Variants in A3GALT2 observed in about 807,000 individuals in gnomAD.
A3GALT2 encodes the protein alpha 1,3-galactosyltransferase 2, also known as alpha-1,3-galactosyltransferase 2.
A neutral mutation model predicts 16.6 loss-of-function variants in A3GALT2; 14 were observed. That is an observed-to-expected ratio of 0.84 (90% confidence interval 0.56 to 1.32). The LOEUF is 1.32. Among genes scored for constraint, A3GALT2 ranks in the 40% most tolerant of loss-of-function variants. The probability of loss-of-function intolerance (pLI) is 0.00; values close to 1 mark genes in which losing one functional copy is unlikely to be tolerated. For missense variants in A3GALT2, 600 were observed against 490.9 expected (o/e 1.22, Z -2.10); for synonymous variants, 253 against 218.0 (o/e 1.16, Z -1.42).
intron 1 of A3GALT2, among the ~76,000 whole-genome samples, chr1:33,316,834 G>A (rs1255410240): frequency 6.6e-6 from 1 of 152,160 alleles, no homozygotes; most frequent in Non-Finnish European, 1.5e-5. Flanking sequence ...GAGAGGGAGA[G>A]AGTACAGAGG....
rs780660437 is a variant in A3GALT2 at position 33,321,066 on chromosome 1, C to T, written c.23+10G>A. The T allele has an allele frequency of 1.2e-5, 19 of 1,612,968 alleles. No individual in the cohort carries two copies. The highest frequency in any genetic ancestry group is 5.1e-5 in the Admixed American group (3 of 59,234). On this transcript the variant is annotated intron_variant, in intron 1 of 4. Transcript: ENST00000442999. ...GCTTTCTTCCTCTCCATACCATTGT[C>T]CCCCCTCACCTGAGTCCCTCCTTGA...
At position 33,307,376 on chromosome 1, in the gene A3GALT2, T is replaced by TA; in HGVS notation, c.412dup (p.Tyr138LeufsTer116). ...CGCTCCCGGAAGCTCGGTGAACACGTAGTACATCACGCTCTGGCCCGCCAT... is the reference window on the plus strand; with the variant it reads ...CGCTCCCGGAAGCTCGGTGAACACGTAAGTACATCACGCTCTGGCCCGCCAT... On this transcript the variant is annotated frameshift_variant, in exon 5 of 5. Transcript: ENST00000442999. LOFTEE classifies it low-confidence loss of function (END_TRUNC). 6.4e-7 allele frequency: 1 copy of TA among 1,562,912 alleles called. No homozygotes were observed. The highest frequency in any genetic ancestry group is 2.6e-5 in the East Asian group (1 of 38,782).
At chr1:33,316,931 T>TG (rs1646264610) in intron 1 of A3GALT2, among the ~76,000 whole-genome samples, 1 of 151,504 alleles carries the variant, frequency 6.6e-6, no homozygotes, top group Non-Finnish European at 1.5e-5. Context: ...GCACATGGGT[T>TG]GGGTGGGAGT....
intron 1 of A3GALT2, among the ~76,000 whole-genome samples, chr1:33,318,553 C>T (rs1202025295): frequency 6.6e-6 from 1 of 152,142 alleles, no homozygotes; most frequent in African/African-American, 2.4e-5. Context: ...TCTGTGCCTC[C>T]TTGTTTCTCA....
intron 1 of A3GALT2, chr1:33,313,988 TC>T (rs1646249597): frequency 6.6e-6 from 1 of 150,786 alleles, no homozygotes; most frequent in African/African-American, 2.4e-5. Context: ...CTGGGCAGCC[TC>T]CTCACTCCAC....
rs1475160729 is a variant in A3GALT2 at position 33,320,893 on chromosome 1, C to G, written c.23+183G>C. On this transcript the variant is annotated intron_variant, in intron 1 of 4. Transcript: ENST00000442999. This position sits in a 1 kb window ranked among gnomAD's most constrained non-coding sequence, Gnocchi z 4.3. Reference sequence around the variant, plus strand: ...CCCGGTGTCCATGCACACGGATTGTCTTTCTTCTCCTGGGGCAATGTCCCC... The same window carrying G: ...CCCGGTGTCCATGCACACGGATTGTGTTTCTTCTCCTGGGGCAATGTCCCC... Among the ~76,000 whole-genome samples, 1 of 151,976 alleles carries G rather than the reference C, an allele frequency of 6.6e-6. No homozygotes were observed. Among genetic ancestry groups the G allele is most frequent in the Non-Finnish European group, 1.5e-5 (1 of 68,032 alleles).
Position 33,312,146 on chromosome 1 carries a change from T to A in A3GALT2, c.241A>T (p.Ile81Phe), listed in dbSNP as rs1472606408. 1.9e-6 allele frequency: 3 copies of A among 1,613,512 alleles called. 1 individual carries two copies. The South Asian group carries it at 3.3e-5, about 18-fold the overall frequency. The change falls in exon 4 of 5, where the codon ATT becomes TTT. Residue 81 changes from isoleucine (I) to phenylalanine (F), a missense_variant. Physicochemically the swap from Ile to Phe is conservative, Grantham distance 21. Coordinates refer to ENST00000442999, the MANE Select transcript of A3GALT2 (RefSeq NM_001080438.1). ...GGGTCGAAAGAGCCATCCCAAATAA[T>A]GGGAGCCCCCCAGGGGGTACAGGTC... ...VLTCTPWGAP[I>F]IWDGSFDPDV...
chr1:33,308,395 A>AT (rs369797687), intron 4 of A3GALT2, among the ~76,000 whole-genome samples: 4 of 151,946 alleles, frequency 2.6e-5, no homozygotes, highest in African/African-American at 9.7e-5. Flanking sequence ...CCCTGTCTGA[A>AT]TTACTGACAC....
rs187910168 is a variant in A3GALT2, at chr1:33,309,373, C to T, written c.336-1920G>A. On this transcript the variant is annotated intron_variant, in intron 4 of 4. Coordinates refer to ENST00000442999, the MANE Select transcript of A3GALT2 (RefSeq NM_001080438.1). ...CAGAGGCGCCCCCCCACCTCCCAGA[C>T]GGGGGGCTGGCCGGGCGGGGGCTGC... is the stretch of plus-strand genomic sequence containing the variant. 5.6e-3 allele frequency among the ~76,000 whole-genome samples: 820 copies of T among 146,618 alleles called. 10 individuals carry two copies. Among genetic ancestry groups the T allele is most frequent in the African/African-American group, 0.019 (771 of 39,706 alleles).
chr1:33,309,559 G>A (rs1255112148), intron 4 of A3GALT2, among the ~76,000 whole-genome samples: 4 of 150,768 alleles, frequency 2.7e-5, no homozygotes, highest in Non-Finnish European at 4.4e-5. Context: ...GGCGGCTGCC[G>A]GGCGGAGGGG....
intron 1 of A3GALT2, among the ~76,000 whole-genome samples, chr1:33,318,940 C>G (rs1357120114): frequency 6.6e-6 from 1 of 152,204 alleles, no homozygotes; most frequent in African/African-American, 2.4e-5. Flanking sequence ...TGTTCATTCT[C>G]TCTTCCAAGT....
chr1:33,307,048 G>T lies in A3GALT2; in HGVS notation c.741C>A (p.Gly247=). The T allele has an allele frequency of 6.6e-7, 1 of 1,507,042 alleles. No individual in the cohort carries two copies. The highest frequency in any genetic ancestry group is 8.8e-7 in the Non-Finnish European group (1 of 1,131,502). 93.4% of individuals were successfully genotyped at this position (1,507,042 alleles called of 1,614,324 possible). Residue 247 remains glycine, a synonymous_variant, in exon 5 of 5, where the codon GGC becomes GGA. Transcript: ENST00000442999. ...CCGCGTGGTTATAGAAGTCGCCCTG[G>T]CCCCACGCCATCGCGGCGGCCGAAT... The part of the protein sequence containing the change: ...DAHSAAAMAW[G]QGDFYNHAAV...
rs1365751870 is a variant in A3GALT2, at chr1:33,306,815, C to A, written c.974G>T (p.Arg325Leu). Residue 325 changes from arginine to leucine, a missense_variant, in exon 5 of 5, where the codon CGC becomes CTC. Transcript: ENST00000442999. The stretch of plus-strand genomic sequence containing the variant: ...CTTGGGCGCCCACAGCAGTCGCGGG[C>A]GGCGGATCTCGGCCCGCGGGCCGAT... ...PDIGPRAEIR[R>L]PRLLWAPKGY... 2.0e-6 allele frequency: 3 copies of A among 1,474,212 alleles called. No individual in the cohort carries two copies. Among genetic ancestry groups the A allele is most frequent in the Admixed American group, 5.0e-5 (2 of 40,230 alleles). 91.3% of individuals were successfully genotyped at this position (1,474,212 alleles called of 1,614,324 possible).
chr1:33,307,270 C>G lies in A3GALT2; in HGVS notation c.519G>C (p.Ser173=). 2.1e-6 allele frequency: 3 copies of G among 1,456,832 alleles called. No individual in the cohort carries two copies. Among genetic ancestry groups the G allele is most frequent in the Non-Finnish European group, 9.0e-7 (1 of 1,107,936 alleles). 90.2% of individuals were successfully genotyped at this position (1,456,832 alleles called of 1,614,324 possible). A position where few individuals can be genotyped will look rare whatever the true frequency, so the allele number is the denominator to read the frequency against. The change falls in exon 5 of 5, where the codon TCG becomes TCC. Residue 173 remains serine (S), a synonymous_variant. Transcript: ENST00000442999. ...CGTGCAACGTGCGCATGCGCGCCAT[C>G]GACACGTCTTGCCAGCGCCGCTCGC... ...VARERRWQDV[S]MARMRTLHAA...
In A3GALT2 at chr1:33,307,328, G is replaced by C. The variant is rs780427469; in HGVS notation, c.461C>G (p.Pro154Arg). 6 of 1,515,706 alleles carry C rather than the reference G, an allele frequency of 4.0e-6. No individual in the cohort carries two copies. The highest frequency in any genetic ancestry group is 1.7e-4 in the Middle Eastern group (1 of 5,720). 93.9% of individuals were successfully genotyped at this position (1,515,706 alleles called of 1,614,324 possible). ...PGAVPRVALGPGRRLPVERVA... is the reference protein window; with the variant it reads ...PGAVPRVALGRGRRLPVERVA... Reference sequence around the variant, plus strand: ...GCGCTCCACGGGCAGCCGGCGTCCCGGGCCCAGCGCCACGCGGGGCACCGC... The same window carrying C: ...GCGCTCCACGGGCAGCCGGCGTCCCCGGCCCAGCGCCACGCGGGGCACCGC... Residue 154 changes from proline to arginine, a missense_variant, in exon 5 of 5, where the codon CCG becomes CGG. By Grantham distance (103) the Pro-to-Arg change is moderately radical. Transcript: ENST00000442999.
At position 33,312,059 on chromosome 1, in the gene A3GALT2, C is replaced by T. The variant is rs367728258; in HGVS notation, c.328G>A (p.Val110Ile). 1 of 1,613,592 alleles carries T rather than the reference C, an allele frequency of 6.2e-7. No individual in the cohort carries two copies. Among genetic ancestry groups the T allele is most frequent in the Non-Finnish European group, 8.5e-7 (1 of 1,179,766 alleles). ...CCCCTTCCCAGGCCTTACCTGCCTA[C>T]AGCAAAGATAGTCAGCCCAATGGTG... is the stretch of plus-strand genomic sequence containing the variant. ...NLTIGLTIFAVGRYLEKYLER... is the reference protein window; with the variant it reads ...NLTIGLTIFAIGRYLEKYLER... Residue 110 changes from valine to isoleucine, a missense_variant, in exon 4 of 5, where the codon GTA becomes ATA. Physicochemically the swap from Val to Ile is conservative, Grantham distance 29. Transcript: ENST00000442999.
intron 1 of A3GALT2, among the ~76,000 whole-genome samples, chr1:33,319,805 T>C (rs543224957): frequency 6.6e-6 from 1 of 152,286 alleles, no homozygotes; most frequent in South Asian, 2.1e-4. Context: ...TTCTACCCCC[T>C]GGGGATCAAC....
In A3GALT2 at chr1:33,321,018, C is replaced by T. The variant is rs1003715046; in HGVS notation, c.23+58G>A. 23 of 1,606,206 alleles carry T rather than the reference C, an allele frequency of 1.4e-5. 1 individual carries two copies. Among genetic ancestry groups the T allele is most frequent in the Middle Eastern group, 1.7e-4 (1 of 6,056 alleles). ...ACTGTTTTAGCCATCAGACTGGATC[C>T]CTCTTAGCTCAGCTGTCCCCAAGCT... On this transcript the variant is annotated intron_variant, in intron 1 of 4. Coordinates refer to ENST00000442999, the MANE Select transcript of A3GALT2 (RefSeq NM_001080438.1).
intron 1 of A3GALT2, among the ~76,000 whole-genome samples, chr1:33,315,459 C>T (rs780605718): frequency 7.3e-5 from 11 of 151,516 alleles, no homozygotes; most frequent in Non-Finnish European, 1.6e-4. Context: ...GCAGGAGGAT[C>T]GCTTGAGCCC....
Sources: allele counts gnomAD v4.1 joint callset (sites outside exome capture counted in the v4.1 genomes callset), GRCh38; gene constraint gnomAD v4.1.1; non-coding constraint Gnocchi (gnomAD v3.1); transcripts MANE v1.5; gene names NCBI Gene and HGNC (gene_info 2026-07-23, HGNC 2026-07-21).